The following SUCLG2 variants were observed in gnomAD, a reference collection of about 807,000 sequenced individuals.
SUCLG2 encodes the protein succinate-CoA ligase GDP-forming subunit beta, also known as succinate--CoA ligase [GDP-forming] subunit beta, mitochondrial.
In SUCLG2, 42 loss-of-function variants were observed where a neutral mutation model predicts 47.9. The observed-to-expected ratio is 0.88, with a 90% CI of 0.69 to 1.14. The LOEUF (loss-of-function observed/expected upper bound fraction) is 1.14, where lower values mean the gene tolerates loss of function less well. Among genes scored for constraint, SUCLG2 ranks in the 50% most tolerant of loss-of-function variants. The pLI, the probability that SUCLG2 is intolerant of heterozygous loss-of-function variation, is 0.00. For synonymous variants in SUCLG2, 195 were observed against 197.3 expected (o/e 0.99, Z 0.10); for missense variants, 571 against 525.9 (o/e 1.09, Z -0.84).
At chr3:67,653,404 A>G (rs1701322185) in intron 1 of SUCLG2, among the ~76,000 whole-genome samples, 1 of 152,232 alleles carries the variant, frequency 6.6e-6, no homozygotes, top group South Asian at 2.1e-4. Context: ...TTTTAAATTT[A>G]CATTAACAAT....
intron 10 of SUCLG2, among the ~76,000 whole-genome samples, chr3:67,394,594 C>A (rs1439485652): frequency 1.3e-5 from 2 of 151,982 alleles, no homozygotes; most frequent in African/African-American, 2.4e-5. Context: ...TTGGAAAACA[C>A]TCTGCAGGAT....
chr3:67,425,332 G>A (rs775212334), intron 9 of SUCLG2, among the ~76,000 whole-genome samples: 4 of 152,210 alleles, frequency 2.6e-5, no homozygotes, highest in Non-Finnish European at 4.4e-5. Flanking sequence ...TGGAAAGTAC[G>A]ATAATTAATT....
At position 67,491,361 on chromosome 3, in the gene SUCLG2, C is replaced by CTTT. The variant is rs549763218; in HGVS notation, c.1062+4434_1062+4436dup. Reference sequence around the variant, plus strand: ...TTATGTTTTATTTCTTTTTCTTTTACTTTTTTTTTTTTTTTTTTTCCAGAC... The same window carrying CTTT: ...TTATGTTTTATTTCTTTTTCTTTTACTTTTTTTTTTTTTTTTTTTTTTCCAGAC... On this transcript the variant is annotated intron_variant, in intron 9 of 10. Transcript: ENST00000307227. 2.3e-3 allele frequency among the ~76,000 whole-genome samples: 294 copies of CTTT among 125,808 alleles called. 12 individuals are homozygous for CTTT. The highest frequency in any genetic ancestry group is 4.4e-3 in the Middle Eastern group (1 of 228). 82.5% of individuals were successfully genotyped at this position (125,808 alleles called of 152,430 possible).
intron 10 of SUCLG2, among the ~76,000 whole-genome samples, chr3:67,399,181 AT>A (rs1443789798): frequency 6.7e-6 from 1 of 148,304 alleles, no homozygotes; most frequent in Non-Finnish European, 1.5e-5. Flanking sequence ...TAATAATAAA[AT>A]AAAAAAAAAG....
chr3:67,579,421 T>C (rs1275284847), intron 2 of SUCLG2, among the ~76,000 whole-genome samples: 1 of 152,238 alleles, frequency 6.6e-6, no homozygotes, highest in East Asian at 1.9e-4. Context: ...ACAGTAATCA[T>C]AGGCTAACAC....
chr3:67,442,650 G>T (rs1281050259), intron 9 of SUCLG2, among the ~76,000 whole-genome samples: 1 of 152,166 alleles, frequency 6.6e-6, no homozygotes, highest in African/African-American at 2.4e-5. Context: ...AATATTTAGA[G>T]ATTTAATTAC....
At position 67,425,912 on chromosome 3, in the gene SUCLG2, C is replaced by T. The variant is rs1409739523; in HGVS notation, c.1063-25061G>A. On this transcript the variant is annotated intron_variant, in intron 9 of 10. Transcript: ENST00000307227. ...AATAAAATTTAGCCTCAAATAGAGACTTGTAAAATATTACTATAAGCTCAA... is the reference window on the plus strand; with the variant it reads ...AATAAAATTTAGCCTCAAATAGAGATTTGTAAAATATTACTATAAGCTCAA... Among the ~76,000 whole-genome samples, 4 of 152,282 alleles carry T rather than the reference C, an allele frequency of 2.6e-5. No individual in the cohort carries two copies. In the East Asian group the frequency reaches 7.7e-4, roughly 29 times the overall value.
intron 9 of SUCLG2, among the ~76,000 whole-genome samples, chr3:67,472,058 A>G (rs1219084773): frequency 2.0e-5 from 3 of 152,238 alleles, no homozygotes; most frequent in Non-Finnish European, 2.9e-5. Flanking sequence ...ATAAATGGAT[A>G]AAATCACTGA....
At chr3:67,369,066 T>C (rs761460602) in intron 10 of SUCLG2, among the ~76,000 whole-genome samples, 1 of 152,192 alleles carries the variant, frequency 6.6e-6, no homozygotes, top group Non-Finnish European at 1.5e-5. Context: ...TATTTAGGAT[T>C]CATTACTTTT....
At chr3:67,466,356 A>C (rs73104340) in intron 9 of SUCLG2, among the ~76,000 whole-genome samples, 3,551 of 152,324 alleles carry the variant, frequency 0.023, 55 homozygotes, top group African/African-American at 0.038. Context: ...GTCTCAAAAA[A>C]AAGAATTTAT....
intron 1 of SUCLG2, among the ~76,000 whole-genome samples, chr3:67,646,892 A>C (rs1316872879): frequency 6.6e-6 from 1 of 152,142 alleles, no homozygotes; most frequent in Non-Finnish European, 1.5e-5. Context: ...CTACGCATTA[A>C]ACTGCCCTTG....
intron 9 of SUCLG2, among the ~76,000 whole-genome samples, chr3:67,434,521 TAAC>T (rs1434496513): frequency 2.6e-5 from 4 of 152,032 alleles, no homozygotes; most frequent in Non-Finnish European, 4.4e-5. Flanking sequence ...TCTCTAACAA[TAAC>T]AACAACAACA....
chr3:67,558,431 T>C (rs1707219366), intron 2 of SUCLG2, among the ~76,000 whole-genome samples: 1 of 152,014 alleles, frequency 6.6e-6, no homozygotes, highest in African/African-American at 2.4e-5. Flanking sequence ...CTTTCCACAT[T>C]TGTGGCATGG....
chr3:67,501,655 T>C (rs1256398331), intron 7 of SUCLG2, among the ~76,000 whole-genome samples: 1 of 152,076 alleles, frequency 6.6e-6, no homozygotes, highest in African/African-American at 2.4e-5. Context: ...GATTAGAAGC[T>C]TGGAAATTTC....
At chr3:67,430,661 G>A (rs1703452574) in intron 9 of SUCLG2, among the ~76,000 whole-genome samples, 1 of 152,184 alleles carries the variant, frequency 6.6e-6, no homozygotes, top group South Asian at 2.1e-4. Flanking sequence ...ATGAATCCAG[G>A]AGTTGGTTTT....
intron 9 of SUCLG2, among the ~76,000 whole-genome samples, chr3:67,422,961 T>C (rs996320383): frequency 6.6e-6 from 1 of 152,138 alleles, no homozygotes; most frequent in African/African-American, 2.4e-5. Flanking sequence ...GTCAGGGTCT[T>C]TGGAGACAAA....
intron 9 of SUCLG2, among the ~76,000 whole-genome samples, chr3:67,409,957 C>T (rs1032060358): frequency 9.2e-5 from 14 of 152,068 alleles, no homozygotes; most frequent in African/African-American, 1.2e-4. Flanking sequence ...GTATATTGTA[C>T]GAAGTATTAG....
intron 9 of SUCLG2, among the ~76,000 whole-genome samples, chr3:67,478,583 C>T (rs192480183): frequency 2.2e-4 from 33 of 152,318 alleles, no homozygotes; most frequent in East Asian, 1.5e-3. Flanking sequence ...CTGTTCTCTC[C>T]GTACTTTCAT....
At chr3:67,383,420 T>C (rs1182032684) in intron 10 of SUCLG2, among the ~76,000 whole-genome samples, 1 of 152,236 alleles carries the variant, frequency 6.6e-6, no homozygotes. Flanking sequence ...GAATCATATC[T>C]AAATGCTTTG....
Sources: gnomAD v4.1 joint callset for allele counts (sites outside exome capture counted in the v4.1 genomes callset) on GRCh38, gnomAD v4.1.1 for gene constraint, MANE v1.5 for transcripts, NCBI Gene and HGNC (gene_info 2026-07-23, HGNC 2026-07-21) for gene names.